Variants in ZNF785 observed in about 807,000 individuals in gnomAD.
ZNF785 encodes the protein zinc finger protein 785.
A neutral mutation model predicts 11.3 loss-of-function variants in ZNF785; 15 were observed. The ratio of observed to expected loss-of-function variants is 1.32; its 90% CI spans 0.89 to 2.04. ZNF785 has a LOEUF of 2.04. Among genes scored for constraint, ZNF785 ranks in the 30% most tolerant of loss-of-function variants. The pLI, the probability that ZNF785 is intolerant of heterozygous loss-of-function variation, is 0.00. For synonymous variants in ZNF785, 221 were observed against 231.0 expected, an observed-to-expected ratio of 0.96 and a Z score of 0.39; for missense variants, 572 against 560.9, an observed-to-expected ratio of 1.02 and a Z score of -0.20.
chr16:30,582,290 G>A lies in ZNF785; in HGVS notation c.*270C>T. On this transcript the variant is annotated 3_prime_UTR_variant, in exon 3 of 3. Coordinates refer to ENST00000395216, the MANE Select transcript of ZNF785 (RefSeq NM_152458.7). ...TACAAGGGAGAGAACAATCATGAAGGAAAAGCCAGTTAGGTGAATGGTTTT... is the reference window on the plus strand; with the variant it reads ...TACAAGGGAGAGAACAATCATGAAGAAAAAGCCAGTTAGGTGAATGGTTTT... The A allele has an allele frequency of 2.0e-6, 1 of 506,782 alleles. No individual in the cohort carries two copies. Among genetic ancestry groups the A allele is most frequent in the Non-Finnish European group, 3.5e-6 (1 of 282,586 alleles). The allele number at this position is 506,782 out of a possible 1,614,324, so 31.4% of individuals were successfully genotyped here. A position where few individuals can be genotyped will look rare whatever the true frequency, so the allele number is the denominator to read the frequency against.
rs2051870265 is a variant in ZNF785, at chr16:30,585,023, C to A, written c.334+99G>T. ...GTTTCTGGGGTAGGGTGCAGGGAGACAGGATGGGACTTTGGAGGGGGCAGC... is the reference window on the plus strand; with the variant it reads ...GTTTCTGGGGTAGGGTGCAGGGAGAAAGGATGGGACTTTGGAGGGGGCAGC... On this transcript the variant is annotated intron_variant, in intron 2 of 2. Transcript: ENST00000395216. The surrounding 1 kb of genome is among the most constrained non-coding windows in gnomAD (Gnocchi z 4.0). 2.7e-6 allele frequency: 4 copies of A among 1,474,780 alleles called. No individual in the cohort carries two copies. The highest frequency in any genetic ancestry group is 3.6e-6 in the Non-Finnish European group (4 of 1,101,558). 91.4% of individuals were successfully genotyped at this position (1,474,780 alleles called of 1,614,324 possible). A position where few individuals can be genotyped will look rare whatever the true frequency, so the allele number is the denominator to read the frequency against.
rs752599954 is a variant in ZNF785, at chr16:30,583,387, CTTTT to C, written c.387_390del (p.Lys130ArgfsTer28). On this transcript the variant is annotated frameshift_variant, in exon 3 of 3. Coordinates refer to ENST00000395216, the MANE Select transcript of ZNF785 (RefSeq NM_152458.7). LOFTEE classifies it low-confidence loss of function (END_TRUNC). ...TTGACAGCCACTTCATGCGCCACCT[CTTTT>C]TGTTTTGGACACTTCTTCAGCCTTT... 7 of 1,603,946 alleles carry C rather than the reference CTTTT, an allele frequency of 4.4e-6. No homozygotes were observed. The African/African-American group carries it at 8.0e-5, about 18-fold the overall frequency.
In ZNF785 at chr16:30,583,362, T is replaced by C. The variant is rs745864432; in HGVS notation, c.416A>G (p.Lys139Arg). Reference sequence around the variant, plus strand: ...GCAGGCGACGCTGGGCCACCACTCCTTGACAGCCACTTCATGCGCCACCTC... The same window carrying C: ...GCAGGCGACGCTGGGCCACCACTCCCTGACAGCCACTTCATGCGCCACCTC... ...QKEVAHEVAV[K>R]EWWPSVACPE... is the part of the protein sequence containing the mutation. Residue 139 changes from lysine (K) to arginine (R), a missense_variant, in exon 3 of 3, where the codon AAG becomes AGG. Lys to Arg is a conservative substitution (Grantham distance 26). Transcript: ENST00000395216. The C allele has an allele frequency of 6.2e-7, 1 of 1,612,228 alleles. No individual in the cohort carries two copies. Among genetic ancestry groups the C allele is most frequent in the African/African-American group, 1.3e-5 (1 of 74,850 alleles).
At position 30,581,769 on chromosome 16, in the gene ZNF785, A is replaced by G. The variant is rs2051813311; in HGVS notation, c.*791T>C. The G allele has an allele frequency of 6.6e-6, 1 of 152,180 alleles. No homozygotes were observed. Among genetic ancestry groups the G allele is most frequent in the African/African-American group, 2.4e-5 (1 of 41,426 alleles). 9.4% of individuals were successfully genotyped at this position (152,180 alleles called of 1,614,324 possible). On this transcript the variant is annotated 3_prime_UTR_variant, in exon 3 of 3. Transcript: ENST00000395216. ...CCTACACTCCAGGTGTCTCCTTGCCAGATGTTTCACCTGCATTGGTAAAAG... is the reference window on the plus strand; with the variant it reads ...CCTACACTCCAGGTGTCTCCTTGCCGGATGTTTCACCTGCATTGGTAAAAG...
rs189999149 is a variant in ZNF785 at position 30,585,041 on chromosome 16, G to A, written c.334+81C>T. 9 of 1,523,748 alleles carry A rather than the reference G, an allele frequency of 5.9e-6. No homozygotes were observed. In the East Asian group the frequency reaches 1.8e-4, roughly 31 times the overall value. 94.4% of individuals were successfully genotyped at this position (1,523,748 alleles called of 1,614,324 possible). Reference sequence around the variant, plus strand: ...AGGGAGACAGGATGGGACTTTGGAGGGGGCAGCCTGCGCTGAGGATGTGAG... The same window carrying A: ...AGGGAGACAGGATGGGACTTTGGAGAGGGCAGCCTGCGCTGAGGATGTGAG... On this transcript the variant is annotated intron_variant, in intron 2 of 2. Transcript: ENST00000395216. The surrounding 1 kb of genome is among the most constrained non-coding windows in gnomAD (Gnocchi z 4.0).
chr16:30,584,710 G>A (rs958508394), intron 2 of ZNF785, among the ~76,000 whole-genome samples: 2 of 152,098 alleles, frequency 1.3e-5, no homozygotes, highest in Admixed American at 6.6e-5. Context: ...CTGGGAACAA[G>A]CATTTATTCT....
chr16:30,583,015 G>A lies in ZNF785; in HGVS notation c.763C>T (p.Pro255Ser), dbSNP rs375786913. The change falls in exon 3 of 3, where the codon CCT (proline) becomes TCT (serine). Residue 255 changes from proline (P) to serine (S), a missense_variant. Pro to Ser is a moderately conservative substitution (Grantham distance 74, BLOSUM62 -1). Coordinates refer to ENST00000395216, the MANE Select transcript of ZNF785 (RefSeq NM_152458.7). The stretch of plus-strand genomic sequence containing the variant: ...CTCTTGCAGTCTGAGCACGCGTAAG[G>A]CTTCTCCCCGGTGTGAGCCCGCCTG... ...IHRRAHTGEK[P>S]YACSDCKSRF... 2 of 1,614,006 alleles carry A rather than the reference G, an allele frequency of 1.2e-6. No individual in the cohort carries two copies. The highest frequency in any genetic ancestry group is 2.7e-5 in the African/African-American group (2 of 74,996).
In ZNF785 at chr16:30,582,594, C is replaced by T. The variant is rs779108486; in HGVS notation, c.1184G>A (p.Arg395Gln). The T allele has an allele frequency of 1.1e-5, 17 of 1,613,966 alleles. No individual in the cohort carries two copies. Among genetic ancestry groups the T allele is most frequent in the Non-Finnish European group, 1.4e-5 (16 of 1,180,050 alleles). The change falls in exon 3 of 3, where the codon CGG becomes CAG. Residue 395 changes from arginine (R) to glutamine (Q), a missense_variant. Physicochemically the swap from Arg to Gln is conservative, Grantham distance 43. Coordinates refer to ENST00000395216, the MANE Select transcript of ZNF785 (RefSeq NM_152458.7). ...CTCTTGAAATATATCTGGAAAGTGCCGGAAGTGAACTGGGGGATCCTTGCC... is the reference window on the plus strand; with the variant it reads ...CTCTTGAAATATATCTGGAAAGTGCTGGAAGTGAACTGGGGGATCCTTGCC... ...LGGKDPPVHF[R>Q]HFPDIFQECG
rs1195987350 is a variant in ZNF785, at chr16:30,585,287, G to C, written c.206-37C>G. 1.2e-6 allele frequency: 2 copies of C among 1,609,910 alleles called. No individual in the cohort carries two copies. Among genetic ancestry groups the C allele is most frequent in the African/African-American group, 1.3e-5 (1 of 74,880 alleles). On this transcript the variant is annotated intron_variant, in intron 1 of 2. Transcript: ENST00000395216. The surrounding 1 kb of genome is among the most constrained non-coding windows in gnomAD (Gnocchi z 4.0). ...AAACAATGGGCTCGGCTGAGCGCAC[G>C]GGAGGGGAGAATGAGACTGCTCCCT...
At chr16:30,583,983 T>C (rs2051856340) in intron 2 of ZNF785, 1 of 151,998 alleles carries the variant, frequency 6.6e-6, no homozygotes, top group Non-Finnish European at 1.5e-5. Context: ...TTGTCTGTAC[T>C]AAATTACAAA....
chr16:30,585,050 T>TG lies in ZNF785; in HGVS notation c.334+71dup. The TG allele has an allele frequency of 6.5e-7, 1 of 1,541,570 alleles. No homozygotes were observed. The highest frequency in any genetic ancestry group is 8.8e-7 in the Non-Finnish European group (1 of 1,140,332). ...GGATGGGACTTTGGAGGGGGCAGCCTGCGCTGAGGATGTGAGTGAGTTGGG... is the reference window on the plus strand; with the variant it reads ...GGATGGGACTTTGGAGGGGGCAGCCTGGCGCTGAGGATGTGAGTGAGTTGGG... On this transcript the variant is annotated intron_variant, in intron 2 of 2. Coordinates refer to ENST00000395216, the MANE Select transcript of ZNF785 (RefSeq NM_152458.7). This position sits in a 1 kb window ranked among gnomAD's most constrained non-coding sequence, Gnocchi z 4.0.
At position 30,582,932 on chromosome 16, in the gene ZNF785, C is replaced by G; in HGVS notation, c.846G>C (p.Lys282Asn). The G allele has an allele frequency of 6.2e-7, 1 of 1,614,050 alleles. No homozygotes were observed. Among genetic ancestry groups the G allele is most frequent in the African/African-American group, 1.3e-5 (1 of 75,006 alleles). Reference protein sequence around the residue: ...AIHQRKHTGEKPYSCPDCSLR... With the variant: ...AIHQRKHTGENPYSCPDCSLR... ...GGCTGCAATCGGGGCAGCTGTAGGG[C>G]TTCTCGCCCGTGTGCTTGCGCTGGT... Residue 282 changes from lysine (K) to asparagine (N), a missense_variant, in exon 3 of 3, where the codon AAG (lysine) becomes AAC (asparagine). Coordinates refer to ENST00000395216, the MANE Select transcript of ZNF785 (RefSeq NM_152458.7).
chr16:30,579,706 C>G, downstream of ZNF785: 2 of 439,174 alleles, frequency 4.6e-6, no homozygotes, highest in Middle Eastern at 6.7e-4. Flanking sequence ...ATCTTGGAAC[C>G]CAAGGATTCA....
downstream of ZNF785, chr16:30,580,555 C>T (rs2051795478): frequency 1.3e-5 from 2 of 151,852 alleles, no homozygotes; most frequent in Admixed American, 6.6e-5. Context: ...CGGGGTTTCA[C>T]CATGTTAGCC....
Position 30,583,533 on chromosome 16 carries a change from C to T in ZNF785, c.335-90G>A, listed in dbSNP as rs2051850871. On this transcript the variant is annotated intron_variant, in intron 2 of 2. Coordinates refer to ENST00000395216, the MANE Select transcript of ZNF785 (RefSeq NM_152458.7). ...AAGTCAAAACCAGCATATTCCGGGA[C>T]CATGTCCTGCCTTGGAAGGCAGCAG... The T allele has an allele frequency of 3.4e-5, 50 of 1,487,224 alleles. 1 individual carries two copies. In the South Asian group the frequency reaches 4.7e-4, roughly 14 times the overall value. The allele number at this position is 1,487,224 out of a possible 1,614,324, so 92.1% of individuals were successfully genotyped here.
chr16:30,581,108 G>T lies in ZNF785; in HGVS notation c.*1452C>A. The T allele has an allele frequency of 6.6e-6, 1 of 151,926 alleles. No homozygotes were observed. The allele number at this position is 151,926 out of a possible 1,614,324, so 9.4% of individuals were successfully genotyped here. A position where few individuals can be genotyped will look rare whatever the true frequency, so the allele number is the denominator to read the frequency against. On this transcript the variant is annotated 3_prime_UTR_variant, in exon 3 of 3. Transcript: ENST00000395216. ...GAACCTAGGAGGCGGAGGTTGCAGT[G>T]AGCCAAGATCATGCCATTGCACTCT...
chr16:30,582,598 A>C lies in ZNF785; in HGVS notation c.1180T>G (p.Phe394Val). 1 of 1,614,146 alleles carries C rather than the reference A, an allele frequency of 6.2e-7. No homozygotes were observed. The highest frequency in any genetic ancestry group is 8.5e-7 in the Non-Finnish European group (1 of 1,180,050). The change falls in exon 3 of 3, where the codon TTC becomes GTC. Residue 394 changes from phenylalanine (F) to valine (V), a missense_variant. By Grantham distance (50) the Phe-to-Val change is conservative. Transcript: ENST00000395216. ...VLGGKDPPVHFRHFPDIFQEC... is the reference protein window; with the variant it reads ...VLGGKDPPVHVRHFPDIFQEC... ...TGAAATATATCTGGAAAGTGCCGGA[A>C]GTGAACTGGGGGATCCTTGCCTCCC...
chr16:30,584,986 T>G (rs932146914), intron 2 of ZNF785, 136 bp downstream of exon 2: 107 of 1,190,666 alleles, frequency 9.0e-5, no homozygotes, highest in Middle Eastern at 7.5e-4. Flanking sequence ...CATTTTGCAG[T>G]GAGATGAGGA....
rs757856703 is a variant in ZNF785 at position 30,585,655 on chromosome 16, T to G, written c.-44A>C. Reference sequence around the variant, plus strand: ...GGCAAAGGGAGGCTTCCGGGGAAGGTGGAGATGCTGGCGCTTTCCTGTCTT... The same window carrying G: ...GGCAAAGGGAGGCTTCCGGGGAAGGGGGAGATGCTGGCGCTTTCCTGTCTT... On this transcript the variant is annotated 5_prime_UTR_variant, in exon 1 of 3. Coordinates refer to ENST00000395216, the MANE Select transcript of ZNF785 (RefSeq NM_152458.7). This position sits in a 1 kb window ranked among gnomAD's most constrained non-coding sequence, Gnocchi z 4.0. 3 of 1,447,516 alleles carry G rather than the reference T, an allele frequency of 2.1e-6. No homozygotes were observed. In the South Asian group the frequency reaches 4.4e-5, roughly 21 times the overall value. The allele number at this position is 1,447,516 out of a possible 1,614,324, so 89.7% of individuals were successfully genotyped here. A position where few individuals can be genotyped will look rare whatever the true frequency, so the allele number is the denominator to read the frequency against.
Sources: allele counts gnomAD v4.1 joint callset (sites outside exome capture counted in the v4.1 genomes callset), GRCh38; gene constraint gnomAD v4.1.1; non-coding constraint Gnocchi (gnomAD v3.1); transcripts MANE v1.5; gene names NCBI Gene and HGNC (gene_info 2026-07-23, HGNC 2026-07-21).